The following MROH9 variants were observed in gnomAD, a reference collection of about 807,000 sequenced individuals.
MROH9 encodes the protein maestro heat like repeat family member 9, also known as maestro heat-like repeat-containing protein family member 9.
A neutral mutation model predicts 98.2 loss-of-function variants in MROH9; 92 were observed. That is an observed-to-expected ratio of 0.94 (90% confidence interval 0.79 to 1.11). The LOEUF (loss-of-function observed/expected upper bound fraction) is 1.11, where lower values mean the gene tolerates loss of function less well. Ranked by LOEUF, MROH9 falls within the 50% of genes most tolerant of loss-of-function variation. MROH9 has a pLI of 0.00. For synonymous variants in MROH9, 397 were observed against 368.9 expected (o/e 1.08, Z -0.87); for missense variants, 1,057 against 1,014.8 (o/e 1.04, Z -0.57).
intron 1 of MROH9, among the ~76,000 whole-genome samples, chr1:170,937,473 TAC>T (rs1367430942): frequency 1.3e-5 from 2 of 151,812 alleles, no homozygotes; most frequent in African/African-American, 2.4e-5. Flanking sequence ...TCATAATTAT[TAC>T]AGTCTTCATT....
In MROH9 at chr1:171,064,739, T is replaced by C. The variant is rs1184639215; in HGVS notation, c.*399T>C. On this transcript the variant is annotated 3_prime_UTR_variant, in exon 22 of 22. Coordinates refer to ENST00000367759, the MANE Select transcript of MROH9 (RefSeq NM_001163629.2). ...TGGATGATATAGACAAGGTTCCTGA[T>C]CTCAGGATGGGCACAGTCTAGTGAC... is the stretch of plus-strand genomic sequence containing the variant. 6.2e-6 allele frequency: 1 copy of C among 161,032 alleles called. No homozygotes were observed. Among genetic ancestry groups the C allele is most frequent in the Admixed American group, 6.3e-5 (1 of 15,890 alleles). The allele number at this position is 161,032 out of a possible 1,614,324, so 10.0% of individuals were successfully genotyped here.
intron 19 of MROH9, 120 bp downstream of exon 19, chr1:171,024,885 A>G: frequency 1.6e-6 from 1 of 630,638 alleles, no homozygotes; most frequent in Non-Finnish European, 2.7e-6. Context: ...AATGGAAGAA[A>G]ATATTTTAAA....
At chr1:171,017,809 G>T (rs1652379235) in intron 17 of MROH9, among the ~76,000 whole-genome samples, 1 of 152,130 alleles carries the variant, frequency 6.6e-6, no homozygotes, top group Non-Finnish European at 1.5e-5. Flanking sequence ...CTTCAGGCTT[G>T]ACCTGGACCC....
At chr1:171,051,902 T>C (rs544219721) in intron 20 of MROH9, among the ~76,000 whole-genome samples, 1 of 152,348 alleles carries the variant, frequency 6.6e-6, no homozygotes, top group East Asian at 1.9e-4. Context: ...CCATTTGTTT[T>C]GTGCCTTTGC....
chr1:170,946,759 T>A (rs1463701078), intron 2 of MROH9, among the ~76,000 whole-genome samples: 1 of 151,962 alleles, frequency 6.6e-6, no homozygotes, highest in Non-Finnish European at 1.5e-5. Context: ...GGCTACCTCC[T>A]CCAAGCAAGC....
intron 3 of MROH9, 137 bp from the exon 4 acceptor site, chr1:170,958,324 A>T (rs1348486622): frequency 2.1e-6 from 1 of 483,252 alleles, no homozygotes; most frequent in East Asian, 3.1e-5. Flanking sequence ...ACTTCTATGA[A>T]CTCTTGAGCA....
chr1:170,958,693 A>G (rs1464367821), intron 4 of MROH9, among the ~76,000 whole-genome samples, 153 bp downstream of exon 4: 1 of 152,134 alleles, frequency 6.6e-6, no homozygotes, highest in Non-Finnish European at 1.5e-5. Flanking sequence ...ACTCTTTCCC[A>G]GTCTTTTTGT....
intron 20 of MROH9, among the ~76,000 whole-genome samples, chr1:171,060,029 A>C (rs943983470): frequency 1.3e-5 from 2 of 152,158 alleles, no homozygotes; most frequent in African/African-American, 4.8e-5. Flanking sequence ...CGATTAAAAA[A>C]AAAAGACTAC....
intron 20 of MROH9, among the ~76,000 whole-genome samples, chr1:171,052,514 A>T (rs763190990): frequency 1.2e-4 from 19 of 152,180 alleles, no homozygotes; most frequent in Non-Finnish European, 2.6e-4. Context: ...GCCGGGAGAT[A>T]TGTCCAGGTA....
rs538077935 is a variant in MROH9 at position 171,032,254 on chromosome 1, A to T, written c.2281+6834A>T. ...CTTTAGTGCAGCATAGTTTTTTATT[A>T]CCCATCTTCTGAAGGCTACTACTGT... On this transcript the variant is annotated intron_variant, in intron 20 of 21. Transcript: ENST00000367759. 2.0e-5 allele frequency among the ~76,000 whole-genome samples: 3 copies of T among 152,036 alleles called. No individual in the cohort carries two copies. The South Asian group carries it at 6.2e-4, about 32-fold the overall frequency.
At chr1:170,966,587 G>A (rs1028102591) in intron 7 of MROH9, among the ~76,000 whole-genome samples, 4 of 152,088 alleles carry the variant, frequency 2.6e-5, no homozygotes, top group African/African-American at 9.7e-5. Context: ...GATCAGCTTT[G>A]TAATACCTCT....
intron 19 of MROH9, among the ~76,000 whole-genome samples, chr1:171,025,076 T>G (rs1050520293): frequency 2.0e-5 from 3 of 152,174 alleles, no homozygotes; most frequent in Admixed American, 2.0e-4. Context: ...ACTTTGCCAC[T>G]GCCTCTTGAG....
chr1:170,983,635 G>T (rs77952906), intron 9 of MROH9, 101 bp downstream of exon 9: 8 of 699,866 alleles, frequency 1.1e-5, no homozygotes, highest in South Asian at 4.0e-5. Context: ...GTATTTTTTC[G>T]TTTTTTTTTA....
At chr1:171,047,165 A>G (rs1653495986) in intron 20 of MROH9, among the ~76,000 whole-genome samples, 2 of 152,064 alleles carry the variant, frequency 1.3e-5, no homozygotes, top group African/African-American at 2.4e-5. Context: ...GGTTAAATCT[A>G]CTTGGTATTC....
At chr1:170,970,644 G>T (rs1427064342) in intron 7 of MROH9, among the ~76,000 whole-genome samples, 1 of 151,616 alleles carries the variant, frequency 6.6e-6, no homozygotes, top group Non-Finnish European at 1.5e-5. Flanking sequence ...ATTCAATTAT[G>T]GCCTTCGCCC....
At position 170,995,515 on chromosome 1, in the gene MROH9, C is replaced by G. The variant is rs146017765; in HGVS notation, c.1321C>G (p.Leu441Val). 1,355 of 1,613,224 alleles carry G rather than the reference C, an allele frequency of 8.4e-4. 9 individuals carry two copies. In the African/African-American group the frequency reaches 0.016, roughly 18 times the overall value. Residue 441 changes from leucine to valine, a missense_variant, in exon 13 of 22, where the codon CTC becomes GTC. Physicochemically the swap from Leu to Val is conservative, Grantham distance 32. Transcript: ENST00000367759. The stretch of plus-strand genomic sequence containing the variant: ...CTACAACAGTGAGCTGAAACCGATA[C>G]TCAAGGACAGGGCTTTGTGAGTTAA... ...VFYNSELKPI[L>V]KDRALYAQDA...
chr1:170,953,419 AC>A (rs1448340025), intron 3 of MROH9, among the ~76,000 whole-genome samples: 1 of 151,876 alleles, frequency 6.6e-6, no homozygotes, highest in Non-Finnish European at 1.5e-5. Flanking sequence ...ACAAAAAAAA[AC>A]TTTTCCTAAC....
At chr1:171,044,520 C>T (rs140411809) in intron 20 of MROH9, among the ~76,000 whole-genome samples, 127 of 152,212 alleles carry the variant, frequency 8.3e-4, no homozygotes, top group African/African-American at 2.8e-3. Context: ...ATTTTCAGAA[C>T]ATTTTGATTA....
At chr1:170,994,443 CAT>C (rs1175319238) in intron 12 of MROH9, among the ~76,000 whole-genome samples, 1 of 152,094 alleles carries the variant, frequency 6.6e-6, no homozygotes, top group South Asian at 2.1e-4. Flanking sequence ...ATGTTTCTCA[CAT>C]GTCATTTTAA....
Sources: allele counts gnomAD v4.1 joint callset (sites outside exome capture counted in the v4.1 genomes callset), GRCh38; gene constraint gnomAD v4.1.1; transcripts MANE v1.5; gene names NCBI Gene and HGNC (gene_info 2026-07-23, HGNC 2026-07-21).